Variants in PCDHGA4 observed in about 807,000 individuals in gnomAD.
PCDHGA4 encodes the protein protocadherin gamma-A4.
PCDHGA4 carries 38 observed loss-of-function variants against 54.6 expected under a neutral mutation model. The ratio of observed to expected loss-of-function variants is 0.70; its 90% CI spans 0.54 to 0.91. The LOEUF is 0.91. Among genes scored for constraint, PCDHGA4 ranks in the 40% least tolerant of loss-of-function variants. PCDHGA4 has a pLI of 0.00. For missense variants in PCDHGA4, 1,298 were observed against 1,220.9 expected, an observed-to-expected ratio of 1.06 and a Z score of -0.94; for synonymous variants, 511 against 512.9, an observed-to-expected ratio of 1.00 and a Z score of 0.05.
At chr5:141,412,216 T>C (rs1247540521) in intron 1 of PCDHGA4, 1 of 152,244 alleles carries the variant, frequency 6.6e-6, no homozygotes, top group East Asian at 1.9e-4. Context: ...ACATAAACAC[T>C]TACTTGTTAA....
chr5:141,421,374 C>G, intron 1 of PCDHGA4: 1 of 1,614,062 alleles, frequency 6.2e-7, no homozygotes, highest in Non-Finnish European at 8.5e-7. Context: ...TGGGCAATAT[C>G]TCCAAGGACC....
intron 1 of PCDHGA4, among the ~76,000 whole-genome samples, chr5:141,460,672 TATATCTATATA>T (rs2098995194): frequency 6.6e-6 from 1 of 152,086 alleles, no homozygotes; most frequent in Admixed American, 6.6e-5. Flanking sequence ...AACACAGTTA[TATATCTATATA>T]TCCACCAACA....
At chr5:141,389,119 A>G (rs1561623119) in intron 1 of PCDHGA4, 16 of 1,614,066 alleles carry the variant, frequency 9.9e-6, no homozygotes, top group Admixed American at 1.7e-5. Context: ...GACCGCGAGC[A>G]GAATCCAGAG....
At position 141,433,401 on chromosome 5, in the gene PCDHGA4, A is replaced by C. The variant is rs181247960; in HGVS notation, c.2515-61406A>C. ...TATCTATCTATCTATCTATCTATCT[A>C]TCTATTACTTTCTTGTACAGACAGG... On this transcript the variant is annotated intron_variant, in intron 1 of 3. Transcript: ENST00000571252. Among the ~76,000 whole-genome samples, 679 of 150,596 alleles carry C rather than the reference A, an allele frequency of 4.5e-3. 8 individuals carry two copies. The highest frequency in any genetic ancestry group is 0.015 in the African/African-American group (630 of 40,956).
rs1394484191 is a variant in PCDHGA4 at position 141,486,006 on chromosome 5, C to T, written c.2515-8801C>T. The T allele has an allele frequency of 6.2e-7, 1 of 1,614,190 alleles. No individual in the cohort carries two copies. Among genetic ancestry groups the T allele is most frequent in the Non-Finnish European group, 8.5e-7 (1 of 1,180,026 alleles). Reference sequence around the variant, plus strand: ...GACCTGGGTCCCAGTGGTAACGTCACCTTTTATTTCAGTGGTCATACCCCT... The same window carrying T: ...GACCTGGGTCCCAGTGGTAACGTCATCTTTTATTTCAGTGGTCATACCCCT... On this transcript the variant is annotated intron_variant, in intron 1 of 3. Coordinates refer to ENST00000571252, the MANE Select transcript of PCDHGA4 (RefSeq NM_018917.4). This position sits in a 1 kb window ranked among gnomAD's most constrained non-coding sequence, Gnocchi z 5.0.
At chr5:141,420,370 T>A in intron 1 of PCDHGA4, 1 of 1,352,032 alleles carries the variant, frequency 7.4e-7, no homozygotes, top group South Asian at 1.8e-5. Flanking sequence ...GATAACTTCT[T>A]CATAGAGTTC....
intron 1 of PCDHGA4, among the ~76,000 whole-genome samples, chr5:141,480,704 G>A (rs545986902): frequency 8.5e-5 from 13 of 152,206 alleles, no homozygotes; most frequent in East Asian, 5.8e-4. Flanking sequence ...GCCACACCCC[G>A]ACAAATGAAA....
At chr5:141,438,538 A>G (rs950527053) in intron 1 of PCDHGA4, among the ~76,000 whole-genome samples, 2 of 145,166 alleles carry the variant, frequency 1.4e-5, no homozygotes, top group African/African-American at 2.6e-5. Context: ...CTTTTCCTCT[A>G]TATCTAAGCC....
At chr5:141,362,410 C>G (rs374650665) in intron 1 of PCDHGA4, 14 of 1,613,916 alleles carry the variant, frequency 8.7e-6, no homozygotes, top group Non-Finnish European at 1.2e-5. Flanking sequence ...TGTTGCCTCA[C>G]AATCAGCCAA....
At chr5:141,374,879 G>A in intron 1 of PCDHGA4, 1 of 1,613,694 alleles carries the variant, frequency 6.2e-7, no homozygotes, top group Non-Finnish European at 8.5e-7. Flanking sequence ...GGCAGTGACT[G>A]CCACCGACCA....
intron 1 of PCDHGA4, chr5:141,400,564 C>G (rs532914635): frequency 1.9e-6 from 3 of 1,612,936 alleles, no homozygotes; most frequent in Admixed American, 1.7e-5. Flanking sequence ...ATTACCCACC[C>G]AATTTTCTGT....
At chr5:141,452,354 G>C (rs2154563893) in intron 1 of PCDHGA4, among the ~76,000 whole-genome samples, 1 of 152,240 alleles carries the variant, frequency 6.6e-6, no homozygotes, top group Non-Finnish European at 1.5e-5. Flanking sequence ...TTATCCAAAA[G>C]CCTTGCTTCA....
At chr5:141,418,460 G>A in intron 1 of PCDHGA4, 1 of 1,613,992 alleles carries the variant, frequency 6.2e-7, no homozygotes, top group Non-Finnish European at 8.5e-7. Context: ...GAAGACTCTG[G>A]ACCGAGAAAC....
intron 1 of PCDHGA4, chr5:141,385,465 G>A: frequency 6.9e-7 from 1 of 1,441,910 alleles, no homozygotes; most frequent in Non-Finnish European, 9.1e-7. Flanking sequence ...TCCTTCAGTG[G>A]TGACACTTTA....
intron 1 of PCDHGA4, chr5:141,364,740 A>T: frequency 6.2e-7 from 1 of 1,613,970 alleles, no homozygotes; most frequent in Middle Eastern, 1.6e-4. Flanking sequence ...CGGGATGAAG[A>T]GTTAAAAGTA....
chr5:141,423,513 G>A, intron 1 of PCDHGA4: 2 of 1,613,750 alleles, frequency 1.2e-6, no homozygotes. Context: ...CTCTCATTGC[G>A]GACTCGCAGA....
intron 1 of PCDHGA4, among the ~76,000 whole-genome samples, chr5:141,426,098 A>T (rs144349682): frequency 6.6e-6 from 1 of 152,356 alleles, no homozygotes; most frequent in Non-Finnish European, 1.5e-5. Flanking sequence ...TATTCTGTTC[A>T]GTCACAGAAG....
chr5:141,362,158 C>G, intron 1 of PCDHGA4: 1 of 1,614,034 alleles, frequency 6.2e-7, no homozygotes, highest in South Asian at 1.1e-5. Flanking sequence ...ATTGCCAGAC[C>G]TCAGCGACCG....
At chr5:141,423,558 G>A (rs770532900) in intron 1 of PCDHGA4, 1 of 1,613,462 alleles carries the variant, frequency 6.2e-7, no homozygotes, top group African/African-American at 1.3e-5. Flanking sequence ...CCAACTATGG[G>A]GACACGCTCA....
Sources: gnomAD v4.1 joint callset for allele counts (sites outside exome capture counted in the v4.1 genomes callset) on GRCh38, gnomAD v4.1.1 for gene constraint, Gnocchi (gnomAD v3.1) non-coding constraint, MANE v1.5 for transcripts, NCBI Gene and HGNC (gene_info 2026-07-23, HGNC 2026-07-21) for gene names.